SAMD12: variants seen among roughly 807,000 people sequenced by gnomAD.
The protein encoded by SAMD12 is sterile alpha motif domain containing 12, also known as sterile alpha motif domain-containing protein 12.
A neutral mutation model predicts 15.0 loss-of-function variants in SAMD12; 9 were observed. The ratio of observed to expected loss-of-function variants is 0.60; its 90% confidence interval spans 0.36 to 1.05. The LOEUF is 1.05. Among genes scored for constraint, SAMD12 ranks in the 50% least tolerant of loss-of-function variants. SAMD12 has a pLI of 0.01. For missense variants in SAMD12, 230 were observed against 234.2 expected (o/e 0.98, Z 0.12); for synonymous variants, 86 against 90.1 (o/e 0.96, Z 0.25).
chr8:118,529,052 G>A (rs1004433908), intron 2 of SAMD12, among the ~76,000 whole-genome samples: 4 of 152,136 alleles, frequency 2.6e-5, no homozygotes, highest in Non-Finnish European at 2.9e-5. Context: ...CAAGAAATTG[G>A]GGGTTTCTCC....
chr8:118,152,495 C>CCTTCCTT, the SAMD12 span, among the ~76,000 whole-genome samples: 1 of 147,714 alleles, frequency 6.8e-6, no homozygotes, highest in African/African-American at 2.5e-5. Context: ...TTCCTTCCTT[C>CCTTCCTT]CTTCCTTCTT....
intron 4 of SAMD12, among the ~76,000 whole-genome samples, chr8:118,275,657 C>T (rs1228052761): frequency 1.3e-5 from 2 of 152,218 alleles, no homozygotes; most frequent in South Asian, 4.2e-4. Flanking sequence ...TCTCATTACC[C>T]AGGTAGTGAG....
intron 4 of SAMD12, among the ~76,000 whole-genome samples, chr8:118,359,726 C>G (rs184386527): frequency 6.6e-6 from 1 of 152,248 alleles, no homozygotes; most frequent in East Asian, 1.9e-4. Flanking sequence ...CAACTCCCAT[C>G]TCACAGAGGT....
chr8:118,621,860 G>A lies in SAMD12; in HGVS notation c.-44C>T, dbSNP rs1247346801. On this transcript the variant is annotated 5_prime_UTR_variant, in exon 1 of 4. Transcript: ENST00000314727. ...ACGCATGCATAATTTTCTTGGCCGA[G>A]GTACTCCTCCTGCCCCGCGCTCCCC... is the stretch of plus-strand genomic sequence containing the variant. The A allele has an allele frequency of 1.2e-6, 2 of 1,609,130 alleles. No individual in the cohort carries two copies. The highest frequency in any genetic ancestry group is 1.7e-6 in the Non-Finnish European group (2 of 1,175,496).
At chr8:118,334,631 TG>T (rs1816966831) in intron 4 of SAMD12, among the ~76,000 whole-genome samples, 1 of 152,214 alleles carries the variant, frequency 6.6e-6, no homozygotes, top group African/African-American at 2.4e-5. Flanking sequence ...GGTCTCATTC[TG>T]TTACCCAGGC....
intron 4 of SAMD12, among the ~76,000 whole-genome samples, chr8:118,334,375 ATGAT>A (rs1251825857): frequency 6.6e-6 from 1 of 152,160 alleles, no homozygotes; most frequent in Non-Finnish European, 1.5e-5. Flanking sequence ...ATATTCAGGA[ATGAT>A]TATGCTCATT....
At chr8:118,358,268 C>T (rs563205839) in intron 4 of SAMD12, among the ~76,000 whole-genome samples, 4 of 152,306 alleles carry the variant, frequency 2.6e-5, no homozygotes, top group Non-Finnish European at 5.9e-5. Context: ...TTCTTACTAC[C>T]ACTTAAAGGT....
Position 118,462,384 on chromosome 8 carries a change from A to G in SAMD12, c.193-22423T>C, listed in dbSNP as rs77211521. Among the ~76,000 whole-genome samples, 776 of 152,334 alleles carry G rather than the reference A, an allele frequency of 5.1e-3. 6 individuals are homozygous for G. Among genetic ancestry groups the G allele is most frequent in the African/African-American group, 0.018 (739 of 41,566 alleles). Reference sequence around the variant, plus strand: ...TAGTTTTTGCTTTATTATTAATAATAGGCATGTGCTGAATGTCAATTATAT... The same window carrying G: ...TAGTTTTTGCTTTATTATTAATAATGGGCATGTGCTGAATGTCAATTATAT... On this transcript the variant is annotated intron_variant, in intron 2 of 3. Coordinates refer to ENST00000314727, the MANE Select transcript of SAMD12 (RefSeq NM_207506.3).
intron 4 of SAMD12, among the ~76,000 whole-genome samples, chr8:118,310,925 C>T (rs1466964863): frequency 6.6e-6 from 1 of 152,140 alleles, no homozygotes; most frequent in Non-Finnish European, 1.5e-5. Context: ...TTTGTATCCT[C>T]TGTATCTTGA....
At chr8:118,542,152 G>A (rs1826004834) in intron 2 of SAMD12, among the ~76,000 whole-genome samples, 1 of 152,080 alleles carries the variant, frequency 6.6e-6, no homozygotes, top group African/African-American at 2.4e-5. Context: ...GTGAGAAATA[G>A]GCCACCCTGG....
chr8:118,360,185 T>C (rs1189685766), intron 4 of SAMD12, among the ~76,000 whole-genome samples: 2 of 152,186 alleles, frequency 1.3e-5, no homozygotes, highest in African/African-American at 2.4e-5. Flanking sequence ...AAGGCTTGAA[T>C]AGGATGGGCT....
chr8:118,468,352 A>G (rs1823657316), intron 2 of SAMD12, among the ~76,000 whole-genome samples: 1 of 152,136 alleles, frequency 6.6e-6, no homozygotes, highest in Non-Finnish European at 1.5e-5. Flanking sequence ...TACGTTCACA[A>G]AAAACCCACT....
intron 1 of SAMD12, among the ~76,000 whole-genome samples, chr8:118,597,399 G>A (rs1473417931): frequency 6.6e-6 from 1 of 152,216 alleles, no homozygotes; most frequent in Non-Finnish European, 1.5e-5. Context: ...AAAGACAATA[G>A]TGACAAAACT....
chr8:118,602,364 T>G (rs978503776), intron 1 of SAMD12, among the ~76,000 whole-genome samples: 2 of 152,168 alleles, frequency 1.3e-5, no homozygotes, highest in African/African-American at 4.8e-5. Context: ...TAACAGTTAT[T>G]TTCTGAGTGC....
intron 3 of SAMD12, among the ~76,000 whole-genome samples, chr8:118,431,664 T>A (rs1201496054): frequency 1.3e-5 from 2 of 151,070 alleles, no homozygotes; most frequent in Non-Finnish European, 2.9e-5. Context: ...AAAATCTGAC[T>A]CCTTTCAAAA....
At chr8:118,282,653 A>G (rs1813709225) in intron 4 of SAMD12, among the ~76,000 whole-genome samples, 1 of 152,138 alleles carries the variant, frequency 6.6e-6, no homozygotes, top group Admixed American at 6.6e-5. Context: ...GAATTTGCTA[A>G]AACTGGACAG....
At chr8:118,138,042 A>G in the SAMD12 span, among the ~76,000 whole-genome samples, 1 of 152,106 alleles carries the variant, frequency 6.6e-6, no homozygotes, top group African/African-American at 2.4e-5. Flanking sequence ...AGCCAATAAG[A>G]AGAGGTGTGG....
intron 3 of SAMD12, among the ~76,000 whole-genome samples, chr8:118,432,450 A>G (rs1338052396): frequency 1.3e-5 from 2 of 152,244 alleles, no homozygotes; most frequent in African/African-American, 2.4e-5. Context: ...GCCAGGAAGC[A>G]AGAATCTAAT....
At chr8:118,558,935 C>T (rs1182690408) in intron 2 of SAMD12, among the ~76,000 whole-genome samples, 1 of 152,206 alleles carries the variant, frequency 6.6e-6, no homozygotes, top group Non-Finnish European at 1.5e-5. Context: ...GTTCGTTGTT[C>T]AACCAGACTT....
Sources: gnomAD v4.1 joint callset for allele counts (sites outside exome capture counted in the v4.1 genomes callset) on GRCh38, gnomAD v4.1.1 for gene constraint, MANE v1.5 for transcripts, NCBI Gene and HGNC (gene_info 2026-07-23, HGNC 2026-07-21) for gene names.